Variants in SLC35F1 observed in about 807,000 individuals in gnomAD.
SLC35F1 encodes the protein solute carrier family 35 member F1.
SLC35F1 carries 14 observed loss-of-function variants against 48.7 expected under a neutral mutation model. The observed-to-expected ratio is 0.29, with a 90% CI of 0.19 to 0.45. The LOEUF is 0.45. Among genes scored for constraint, SLC35F1 ranks in the 20% least tolerant of loss-of-function variants. The pLI is 1.00. For missense variants in SLC35F1, 404 were observed against 500.0 expected (o/e 0.81, Z 1.83); for synonymous variants, 190 against 202.2 (o/e 0.94, Z 0.51).
chr6:118,119,665 A>C (rs1171351815), intron 1 of SLC35F1, among the ~76,000 whole-genome samples: 2 of 151,968 alleles, frequency 1.3e-5, no homozygotes, highest in African/African-American at 4.8e-5. Context: ...CACCATGCCC[A>C]GCTAATTTCT....
chr6:118,191,089 T>A (rs775080940), intron 2 of SLC35F1, among the ~76,000 whole-genome samples: 1 of 152,134 alleles, frequency 6.6e-6, no homozygotes, highest in Non-Finnish European at 1.5e-5. Context: ...TAAAACACGA[T>A]GCCCTTCTAG....
intron 7 of SLC35F1, among the ~76,000 whole-genome samples, chr6:118,296,571 A>T (rs953194991): frequency 2.6e-5 from 4 of 152,234 alleles, no homozygotes; most frequent in Admixed American, 1.3e-4. Context: ...AGTTGGGAAT[A>T]AATGGTGAGG....
intron 1 of SLC35F1, 50 bp from the exon 2 acceptor site, chr6:118,154,395 A>T (rs780995557): frequency 6.5e-7 from 1 of 1,532,818 alleles, no homozygotes; most frequent in Non-Finnish European, 8.8e-7. Context: ...CTATTGTTTT[A>T]ATGGGCTTCC....
chr6:118,077,048 G>T (rs1479255333), intron 1 of SLC35F1, among the ~76,000 whole-genome samples: 1 of 152,086 alleles, frequency 6.6e-6, no homozygotes, highest in Non-Finnish European at 1.5e-5. Flanking sequence ...ATGAAAAATT[G>T]AAATTTTAAT....
chr6:118,104,366 C>T (rs748265408), intron 1 of SLC35F1, among the ~76,000 whole-genome samples: 1 of 152,104 alleles, frequency 6.6e-6, no homozygotes, highest in Admixed American at 6.6e-5. Context: ...TATTTAACCT[C>T]CCTAATTCTT....
intron 5 of SLC35F1, 79 bp from the exon 6 acceptor site, chr6:118,277,415 G>GT: frequency 7.8e-7 from 1 of 1,280,968 alleles, no homozygotes. Flanking sequence ...CATCTGATAA[G>GT]TGGGGGGGAA....
At position 117,907,450 on chromosome 6, in the gene SLC35F1, G is replaced by C; in HGVS notation, c.-277G>C. 4.2e-6 allele frequency: 1 copy of C among 238,016 alleles called. No homozygotes were observed. Among genetic ancestry groups the C allele is most frequent in the Non-Finnish European group, 7.9e-6 (1 of 125,900 alleles). 14.7% of individuals were successfully genotyped at this position (238,016 alleles called of 1,614,324 possible). ...CGCAGCCACTTCGCGGGGCGGGCCA[G>C]GACTTGGGGACGCGGCTCGGGAAGA... On this transcript the variant is annotated 5_prime_UTR_variant, in exon 1 of 8. Coordinates refer to ENST00000360388, the MANE Select transcript of SLC35F1 (RefSeq NM_001029858.4).
chr6:118,160,072 T>C (rs1304592643), intron 2 of SLC35F1, among the ~76,000 whole-genome samples: 1 of 152,220 alleles, frequency 6.6e-6, no homozygotes, highest in African/African-American at 2.4e-5. Flanking sequence ...AAAACACTTT[T>C]AGCCTCTGTT....
chr6:118,060,139 A>AT (rs1253800510), intron 1 of SLC35F1, among the ~76,000 whole-genome samples: 5 of 152,190 alleles, frequency 3.3e-5, no homozygotes, highest in Admixed American at 3.3e-4. Flanking sequence ...CTTCCTCCTC[A>AT]TTAGTAGCCT....
At chr6:118,009,055 C>T (rs1582616460) in intron 1 of SLC35F1, among the ~76,000 whole-genome samples, 1 of 152,302 alleles carries the variant, frequency 6.6e-6, no homozygotes, top group East Asian at 1.9e-4. Flanking sequence ...TCATTTATCA[C>T]TTTCTGTATC....
intron 7 of SLC35F1, among the ~76,000 whole-genome samples, chr6:118,290,356 T>C (rs570553739): frequency 1.3e-5 from 2 of 152,258 alleles, no homozygotes; most frequent in South Asian, 2.1e-4. Context: ...GCCCTGTTAA[T>C]ATCATGACAA....
At chr6:118,090,841 G>A (rs145413870) in intron 1 of SLC35F1, among the ~76,000 whole-genome samples, 6 of 152,130 alleles carry the variant, frequency 3.9e-5, no homozygotes, top group Non-Finnish European at 8.8e-5. Context: ...ACAATGGGGG[G>A]GCATAAGTGG....
At chr6:118,252,848 A>G (rs1349657261) in intron 3 of SLC35F1, among the ~76,000 whole-genome samples, 2 of 152,186 alleles carry the variant, frequency 1.3e-5, no homozygotes, top group Non-Finnish European at 1.5e-5. Flanking sequence ...TTCAAGGGGA[A>G]GTGTGACCCC....
At chr6:118,173,379 G>A (rs1355117621) in intron 2 of SLC35F1, among the ~76,000 whole-genome samples, 1 of 141,062 alleles carries the variant, frequency 7.1e-6, no homozygotes, top group Admixed American at 6.9e-5. Flanking sequence ...CATAGAAAGA[G>A]TTAGTTAAAA....
intron 1 of SLC35F1, among the ~76,000 whole-genome samples, chr6:118,146,549 AT>A (rs1773975659): frequency 2.6e-5 from 4 of 152,152 alleles, no homozygotes; most frequent in Admixed American, 2.6e-4. Flanking sequence ...TCTAGAAAAC[AT>A]TTTCAGATTG....
chr6:117,921,820 C>G (rs1775903010), intron 1 of SLC35F1, among the ~76,000 whole-genome samples: 1 of 152,126 alleles, frequency 6.6e-6, no homozygotes, highest in Non-Finnish European at 1.5e-5. Context: ...GCATTTATAG[C>G]AGTGGATATA....
At chr6:118,029,236 C>T (rs1772005203) in intron 1 of SLC35F1, among the ~76,000 whole-genome samples, 2 of 152,072 alleles carry the variant, frequency 1.3e-5, no homozygotes, top group Non-Finnish European at 2.9e-5. Context: ...CATTGGTGAT[C>T]TTGAAGAACA....
intron 1 of SLC35F1, among the ~76,000 whole-genome samples, chr6:117,984,699 GAA>G (rs1374773601): frequency 3.3e-5 from 5 of 152,118 alleles, no homozygotes; most frequent in African/African-American, 1.2e-4. Flanking sequence ...TCCTGCACAG[GAA>G]AAGTTTGCCA....
chr6:117,935,731 C>T (rs567444635), intron 1 of SLC35F1, among the ~76,000 whole-genome samples: 3 of 152,290 alleles, frequency 2.0e-5, no homozygotes, highest in Admixed American at 2.0e-4. Context: ...CAAAAAGACA[C>T]TTGCTTATAG....
Sources: gnomAD v4.1 joint callset for allele counts (sites outside exome capture counted in the v4.1 genomes callset) on GRCh38, gnomAD v4.1.1 for gene constraint, MANE v1.5 for transcripts, NCBI Gene and HGNC (gene_info 2026-07-23, HGNC 2026-07-21) for gene names.